PPP1R9A: variants seen among roughly 807,000 people sequenced by gnomAD.
PPP1R9A encodes protein phosphatase 1 regulatory subunit 9A.
In PPP1R9A, 59 loss-of-function variants were observed where a neutral mutation model predicts 141.9. The observed-to-expected ratio is 0.42, with a 90% CI of 0.34 to 0.52. The LOEUF (loss-of-function observed/expected upper bound fraction) is 0.52. Ranked by LOEUF, PPP1R9A falls within the 20% of genes least tolerant of loss-of-function variation. The pLI, the probability that PPP1R9A is intolerant of heterozygous loss-of-function variation, is 0.10. For synonymous variants in PPP1R9A, 500 were observed against 569.7 expected (o/e 0.88, Z 1.74); for missense variants, 1,444 against 1,611.9 (o/e 0.90, Z 1.78).
chr7:95,106,964 T>C (rs1477510143), intron 2 of PPP1R9A, among the ~76,000 whole-genome samples: 1 of 152,116 alleles, frequency 6.6e-6, no homozygotes, highest in Non-Finnish European at 1.5e-5. Context: ...GTATTTTTAG[T>C]AGAGATGGGG....
At chr7:95,245,135 T>C (rs1797948280) in intron 8 of PPP1R9A, among the ~76,000 whole-genome samples, 1 of 152,350 alleles carries the variant, frequency 6.6e-6, no homozygotes, top group African/African-American at 2.4e-5. Context: ...CATAGCCATG[T>C]ATGTTTGTGT....
chr7:94,989,434 A>G (rs1801234113), intron 2 of PPP1R9A, among the ~76,000 whole-genome samples: 2 of 152,140 alleles, frequency 1.3e-5, no homozygotes, highest in Non-Finnish European at 2.9e-5. Context: ...TCCATGGGAC[A>G]GAATTTTCTT....
intron 2 of PPP1R9A, among the ~76,000 whole-genome samples, chr7:95,044,000 G>C (rs1809628382): frequency 6.6e-6 from 1 of 152,198 alleles, no homozygotes; most frequent in South Asian, 2.1e-4. Flanking sequence ...TCCTTAGTTT[G>C]ATCAAGATTT....
At chr7:95,271,668 A>G (rs1221347298) in intron 14 of PPP1R9A, among the ~76,000 whole-genome samples, 1 of 152,138 alleles carries the variant, frequency 6.6e-6, no homozygotes, top group African/African-American at 2.4e-5. Context: ...CCAGTACAAG[A>G]CCTTAGGATT....
intron 2 of PPP1R9A, among the ~76,000 whole-genome samples, chr7:95,069,261 T>C (rs1813423347): frequency 6.6e-6 from 1 of 151,976 alleles, no homozygotes; most frequent in Admixed American, 6.6e-5. Context: ...AGGACAAGAA[T>C]CAGAAATGTG....
At chr7:95,243,542 C>A (rs1797741101) in intron 8 of PPP1R9A, among the ~76,000 whole-genome samples, 1 of 152,074 alleles carries the variant, frequency 6.6e-6, no homozygotes, top group African/African-American at 2.4e-5. Context: ...GGAGTAATAA[C>A]TTCTCATCTG....
intron 2 of PPP1R9A, among the ~76,000 whole-genome samples, chr7:94,921,607 A>G (rs1792848872): frequency 6.6e-6 from 1 of 152,064 alleles, no homozygotes; most frequent in South Asian, 2.1e-4. Flanking sequence ...TATATGTATA[A>G]AATTATTATT....
intron 18 of PPP1R9A, chr7:95,287,246 A>G: frequency 7.6e-7 from 1 of 1,311,950 alleles, no homozygotes; most frequent in Non-Finnish European, 1.1e-6. Flanking sequence ...CTTCCTCTGT[A>G]GTGAAGGGTT....
intron 2 of PPP1R9A, among the ~76,000 whole-genome samples, chr7:94,989,783 A>G (rs1424340655): frequency 2.0e-5 from 3 of 152,068 alleles, no homozygotes; most frequent in African/African-American, 7.2e-5. Flanking sequence ...TATTTCTTAT[A>G]CAGATTATTT....
chr7:95,142,035 G>A (rs1053786136), intron 4 of PPP1R9A, among the ~76,000 whole-genome samples: 3 of 151,940 alleles, frequency 2.0e-5, no homozygotes. Context: ...ATGAGCGCTT[G>A]TTTTTATCTC....
At chr7:94,989,628 A>T (rs1374344412) in intron 2 of PPP1R9A, among the ~76,000 whole-genome samples, 1 of 151,998 alleles carries the variant, frequency 6.6e-6, no homozygotes, top group African/African-American at 2.4e-5. Context: ...TCTCATTCCC[A>T]ATTTCCTTAC....
chr7:95,171,386 G>A (rs959488879), intron 5 of PPP1R9A, among the ~76,000 whole-genome samples: 27 of 151,514 alleles, frequency 1.8e-4, no homozygotes, highest in Non-Finnish European at 1.0e-4. Flanking sequence ...CACTAGTGTG[G>A]TTATATTGAT....
At chr7:94,954,273 T>G (rs905015017) in intron 2 of PPP1R9A, among the ~76,000 whole-genome samples, 4 of 152,092 alleles carry the variant, frequency 2.6e-5, no homozygotes, top group Non-Finnish European at 5.9e-5. Flanking sequence ...ATTTCTATTG[T>G]TTACTCCTTT....
chr7:94,937,012 G>A (rs1282204625), intron 2 of PPP1R9A, among the ~76,000 whole-genome samples: 1 of 152,080 alleles, frequency 6.6e-6, no homozygotes, highest in African/African-American at 2.4e-5. Flanking sequence ...AGGCATGTAA[G>A]ACCATTCCAT....
At chr7:94,987,991 A>G (rs545878294) in intron 2 of PPP1R9A, among the ~76,000 whole-genome samples, 15 of 152,266 alleles carry the variant, frequency 9.9e-5, no homozygotes, top group Admixed American at 8.5e-4. Context: ...TACTGTGTAT[A>G]AGTTTTATTT....
intron 12 of PPP1R9A, among the ~76,000 whole-genome samples, chr7:95,258,438 T>C (rs1799938790): frequency 6.6e-6 from 1 of 152,152 alleles, no homozygotes; most frequent in African/African-American, 2.4e-5. Context: ...GATGAGTAGA[T>C]TGCAAAAATT....
At chr7:94,936,496 CGTATTCTAA>C (rs767410842) in intron 2 of PPP1R9A, among the ~76,000 whole-genome samples, 2 of 151,950 alleles carry the variant, frequency 1.3e-5, no homozygotes, top group Non-Finnish European at 2.9e-5. Context: ...TTCTGTATTC[CGTATTCTAA>C]AGGGACTTGA....
chr7:94,945,069 C>G (rs1421524118), intron 2 of PPP1R9A, among the ~76,000 whole-genome samples: 1 of 151,936 alleles, frequency 6.6e-6, no homozygotes, highest in Non-Finnish European at 1.5e-5. Flanking sequence ...TACCTTTTAG[C>G]TTTCATGGGC....
intron 4 of PPP1R9A, among the ~76,000 whole-genome samples, chr7:95,133,465 T>A (rs1825023820): frequency 6.7e-6 from 1 of 149,866 alleles, no homozygotes; most frequent in Admixed American, 6.7e-5. Flanking sequence ...CTTTATATAA[T>A]GTCATTAGTT....
Sources: gnomAD v4.1 joint callset for allele counts (sites outside exome capture counted in the v4.1 genomes callset) on GRCh38, gnomAD v4.1.1 for gene constraint, MANE v1.5 for transcripts, NCBI Gene and HGNC (gene_info 2026-07-23, HGNC 2026-07-21) for gene names.